INPP5F: variants seen among roughly 807,000 people sequenced by gnomAD.
The protein encoded by INPP5F is phosphatidylinositide 4-phosphatase SAC2.
A neutral mutation model predicts 137.2 loss-of-function variants in INPP5F; 97 were observed. That is an observed-to-expected ratio of 0.71 (90% CI 0.60 to 0.84). The LOEUF (loss-of-function observed/expected upper bound fraction) is 0.84, where lower values mean the gene tolerates loss of function less well. INPP5F is among the 40% of genes least tolerant of loss of function. The pLI is 0.00. For missense variants in INPP5F, 1,271 were observed against 1,371.9 expected (o/e 0.93, Z 1.16); for synonymous variants, 504 against 476.9 (o/e 1.06, Z -0.74).
At chr10:119,749,594 C>T (rs1589675139) in intron 1 of INPP5F, among the ~76,000 whole-genome samples, 1 of 152,118 alleles carries the variant, frequency 6.6e-6, no homozygotes. Flanking sequence ...AGGGGCTAAG[C>T]GTCAGGCTGA....
chr10:119,798,852 A>G (rs569591403), intron 9 of INPP5F, among the ~76,000 whole-genome samples: 1 of 149,822 alleles, frequency 6.7e-6, no homozygotes, highest in East Asian at 1.9e-4. Context: ...GCTGGACTCA[A>G]ACTGCTGGGC....
At chr10:119,744,841 T>A (rs1848483073) in intron 1 of INPP5F, among the ~76,000 whole-genome samples, 1 of 152,216 alleles carries the variant, frequency 6.6e-6, no homozygotes, top group Non-Finnish European at 1.5e-5. Context: ...CCACTGAGCC[T>A]AGTCCCTCCT....
intron 4 of INPP5F, 99 bp from the exon 5 acceptor site, chr10:119,791,770 C>A: frequency 7.6e-7 from 1 of 1,318,818 alleles, no homozygotes; most frequent in Admixed American, 2.2e-5. Context: ...CTCCTTATGC[C>A]CTTGGGATTA....
chr10:119,735,649 G>A (rs1194884897), intron 1 of INPP5F, among the ~76,000 whole-genome samples: 2 of 152,168 alleles, frequency 1.3e-5, no homozygotes, highest in African/African-American at 4.8e-5. Context: ...TGTGGTGGGT[G>A]GACCCGGGAG....
intron 1 of INPP5F, among the ~76,000 whole-genome samples, chr10:119,733,230 G>C (rs535380107): frequency 6.6e-6 from 1 of 152,190 alleles, no homozygotes; most frequent in Admixed American, 6.5e-5. Context: ...AATGCTAATA[G>C]TGTGATAACT....
intron 2 of INPP5F, among the ~76,000 whole-genome samples, chr10:119,756,235 A>G (rs759036519): frequency 1.3e-5 from 2 of 152,192 alleles, no homozygotes; most frequent in African/African-American, 2.4e-5. Flanking sequence ...CCTCATAGAT[A>G]TCAGATATTC....
chr10:119,786,112 A>AGT (rs1849905526), intron 3 of INPP5F, among the ~76,000 whole-genome samples: 1 of 152,232 alleles, frequency 6.6e-6, no homozygotes, highest in Non-Finnish European at 1.5e-5. Flanking sequence ...AGCTTTTCAC[A>AGT]TAAAATTATT....
intron 11 of INPP5F, 129 bp downstream of exon 11, chr10:119,805,590 T>C: frequency 1.5e-6 from 1 of 667,924 alleles, no homozygotes; most frequent in South Asian, 1.9e-5. Flanking sequence ...CAGTTCCTAT[T>C]CTTTTCAAGA....
intron 3 of INPP5F, among the ~76,000 whole-genome samples, chr10:119,788,991 C>T (rs1031772058): frequency 2.6e-5 from 4 of 152,014 alleles, no homozygotes; most frequent in Admixed American, 6.6e-5. Context: ...TTCGGGAGGC[C>T]GAGGCGGGCA....
At chr10:119,780,375 G>A (rs1849662569) in intron 2 of INPP5F, among the ~76,000 whole-genome samples, 1 of 152,090 alleles carries the variant, frequency 6.6e-6, no homozygotes, top group African/African-American at 2.4e-5. Flanking sequence ...AGCAGTTTGA[G>A]ACCAGCTGGG....
At chr10:119,726,807 A>T (rs958609839) in intron 1 of INPP5F, among the ~76,000 whole-genome samples, 1 of 152,138 alleles carries the variant, frequency 6.6e-6, no homozygotes, top group Admixed American at 6.5e-5. Flanking sequence ...TCTGCTGGAC[A>T]CTCACTCCCT....
chr10:119,785,279 C>G (rs1849843499), intron 3 of INPP5F, among the ~76,000 whole-genome samples: 1 of 115,230 alleles, frequency 8.7e-6, no homozygotes, highest in Non-Finnish European at 1.8e-5. Flanking sequence ...TGTGGAACTG[C>G]CAGACTGTTT....
At chr10:119,818,108 C>G (rs1393465286) in intron 15 of INPP5F, among the ~76,000 whole-genome samples, 1 of 152,258 alleles carries the variant, frequency 6.6e-6, no homozygotes, top group Non-Finnish European at 1.5e-5. Context: ...TGGCCCTTCT[C>G]CCATGCAAGG....
At chr10:119,790,729 G>A (rs1049525095) in intron 3 of INPP5F, among the ~76,000 whole-genome samples, 1 of 152,200 alleles carries the variant, frequency 6.6e-6, no homozygotes, top group African/African-American at 2.4e-5. Context: ...TCTGCATATT[G>A]TTAACAGAAT....
In INPP5F at chr10:119,827,552, T is replaced by C. The variant is rs1851819097; in HGVS notation, c.3171T>C (p.Pro1057=). ...TTGAGACAGGGCTTCATGTAACTCC[T>C]TCTCCTTCAGAGAGCAGTAGCAGCA... ...LELETGLHVT[P]SPSESSSSRA... The change falls in exon 20 of 20, where the codon CCT becomes CCC. Residue 1057 remains proline, a synonymous_variant. Transcript: ENST00000650623. The C allele has an allele frequency of 1.1e-5, 17 of 1,591,784 alleles. No individual in the cohort carries two copies. Among genetic ancestry groups the C allele is most frequent in the Non-Finnish European group, 1.5e-5 (17 of 1,161,384 alleles).
intron 9 of INPP5F, 65 bp from the exon 10 acceptor site, chr10:119,804,108 A>T: frequency 8.3e-7 from 1 of 1,198,612 alleles, no homozygotes; most frequent in Non-Finnish European, 1.2e-6. Context: ...ACATCTAATT[A>T]AATTTTAAAC....
chr10:119,785,286 G>GTTTTTTTTTTTGTTTTTTTTT (rs1849847237), intron 3 of INPP5F, among the ~76,000 whole-genome samples: 1 of 106,228 alleles, frequency 9.4e-6, no homozygotes, highest in African/African-American at 3.7e-5. Context: ...CTGCCAGACT[G>GTTTTTTTTTTTGTTTTTTTTT]TTTTTTTTTT....
intron 12 of INPP5F, among the ~76,000 whole-genome samples, chr10:119,807,340 G>A (rs1388356874): frequency 6.6e-6 from 1 of 152,110 alleles, no homozygotes; most frequent in African/African-American, 2.4e-5. Flanking sequence ...TTGAGGACAC[G>A]AATCTGTTTA....
At chr10:119,785,286 G>GTTTTTTTTGTTTTTTTTTTTTT (rs1849846687) in intron 3 of INPP5F, among the ~76,000 whole-genome samples, 15 of 106,240 alleles carry the variant, frequency 1.4e-4, no homozygotes, top group African/African-American at 5.6e-4. Context: ...CTGCCAGACT[G>GTTTTTTTTGTTTTTTTTTTTTT]TTTTTTTTTT....
Sources: gnomAD v4.1 joint callset for allele counts (sites outside exome capture counted in the v4.1 genomes callset) on GRCh38, gnomAD v4.1.1 for gene constraint, MANE v1.5 for transcripts, NCBI Gene and HGNC (gene_info 2026-07-23, HGNC 2026-07-21) for gene names.